SULF2: variants seen among roughly 807,000 people sequenced by gnomAD.
SULF2 encodes extracellular sulfatase Sulf-2.
SULF2 carries 52 observed loss-of-function variants against 107.7 expected under a neutral mutation model. The ratio of observed to expected loss-of-function variants is 0.48; its 90% CI spans 0.39 to 0.61. The LOEUF (loss-of-function observed/expected upper bound fraction) is 0.61, where lower values mean the gene tolerates loss of function less well. Ranked by LOEUF, SULF2 falls within the 20% of genes least tolerant of loss-of-function variation. The pLI is 0.00. For missense variants in SULF2, 993 were observed against 1,177.3 expected (o/e 0.84, Z 2.29); for synonymous variants, 460 against 464.3 (o/e 0.99, Z 0.12).
At chr20:47,676,956 T>C (rs942810660) in intron 9 of SULF2, 122 bp downstream of exon 9, 16 of 1,110,006 alleles carry the variant, frequency 1.4e-5, no homozygotes, top group Non-Finnish European at 7.9e-6. Context: ...TTTAGGGGCC[T>C]TTGGACCAAC....
In SULF2 at chr20:47,666,040, G is replaced by C; in HGVS notation, c.1806-87C>G. 6.3e-7 allele frequency: 1 copy of C among 1,584,328 alleles called. No individual in the cohort carries two copies. Among genetic ancestry groups the C allele is most frequent in the Non-Finnish European group, 8.7e-7 (1 of 1,154,104 alleles). On this transcript the variant is annotated intron_variant, in intron 12 of 20. Coordinates refer to ENST00000688720, the MANE Select transcript of SULF2 (RefSeq NM_001387048.1). This position sits in a 1 kb window ranked among gnomAD's most constrained non-coding sequence, Gnocchi z 5.4. Reference sequence around the variant, plus strand: ...CCAAGAGGTGTGGGAAGCCCTTGCCGAGGTCTGTCCTGTCCCCTTCACCCT... The same window carrying C: ...CCAAGAGGTGTGGGAAGCCCTTGCCCAGGTCTGTCCTGTCCCCTTCACCCT...
intron 3 of SULF2, among the ~76,000 whole-genome samples, chr20:47,728,882 G>A (rs2089519960): frequency 6.6e-6 from 1 of 152,198 alleles, no homozygotes; most frequent in South Asian, 2.1e-4. Flanking sequence ...CTGACCTCAA[G>A]TGATCCACCC....
chr20:47,660,878 C>A (rs1007244587), intron 18 of SULF2, among the ~76,000 whole-genome samples: 2 of 152,130 alleles, frequency 1.3e-5, no homozygotes, highest in African/African-American at 4.8e-5. Flanking sequence ...GACTCCTAAT[C>A]CCGCACCTCC....
At chr20:47,777,677 A>G (rs2090749115) in intron 1 of SULF2, among the ~76,000 whole-genome samples, 1 of 152,326 alleles carries the variant, frequency 6.6e-6, no homozygotes, top group African/African-American at 2.4e-5. Context: ...GCTACTAAGA[A>G]TTATAGTAGG....
intron 3 of SULF2, among the ~76,000 whole-genome samples, chr20:47,723,186 G>A (rs1204001686): frequency 1.3e-5 from 2 of 151,968 alleles, no homozygotes; most frequent in Non-Finnish European, 2.9e-5. Context: ...GGAGGTTGCA[G>A]TGAGTCAAGA....
intron 3 of SULF2, among the ~76,000 whole-genome samples, chr20:47,721,814 C>A (rs1464655758): frequency 6.6e-6 from 1 of 152,220 alleles, no homozygotes; most frequent in Non-Finnish European, 1.5e-5. Context: ...TCTGATGAGG[C>A]TCTTTCTAGC....
At chr20:47,715,033 C>G (rs913968425) in intron 3 of SULF2, among the ~76,000 whole-genome samples, 1 of 152,132 alleles carries the variant, frequency 6.6e-6, no homozygotes, top group Non-Finnish European at 1.5e-5. Flanking sequence ...ATCCTCCCAC[C>G]TCAGCCTTCC....
chr20:47,727,128 T>G (rs2089466111), intron 3 of SULF2, among the ~76,000 whole-genome samples: 1 of 152,086 alleles, frequency 6.6e-6, no homozygotes, highest in South Asian at 2.1e-4. Context: ...CCAAAATATA[T>G]GCTCAAGTCC....
chr20:47,737,064 C>T, intron 2 of SULF2, 122 bp from the exon 3 acceptor site: 1 of 1,420,926 alleles, frequency 7.0e-7, no homozygotes, highest in Non-Finnish European at 9.6e-7. Context: ...ACCTACGGGG[C>T]AGACGGGGCA....
At chr20:47,718,314 CT>C (rs1296616894) in intron 3 of SULF2, among the ~76,000 whole-genome samples, 1 of 152,116 alleles carries the variant, frequency 6.6e-6, no homozygotes, top group African/African-American at 2.4e-5. Context: ...TTAACTGCCT[CT>C]AAATGGTTAC....
chr20:47,731,455 AGTGCTGGGATCACAGGCTTCAGTCACC>A (rs1231447570), intron 3 of SULF2, among the ~76,000 whole-genome samples: 2 of 151,944 alleles, frequency 1.3e-5, no homozygotes, highest in African/African-American at 4.8e-5. Flanking sequence ...TGCCTCCCAA[AGTGCTGGGATCACAGGCTTCAGTCACC>A]GTGCCTGGCC....
rs555520520 is a variant in SULF2, at chr20:47,760,876, C to T, written c.-100-3413G>A. ...TGCAGAAACATACACCTCATGACAG[C>T]CAGAGCCACTGCGGCAACTGCCTGC... On this transcript the variant is annotated intron_variant, in intron 1 of 20. Transcript: ENST00000688720. 9.2e-5 allele frequency among the ~76,000 whole-genome samples: 14 copies of T among 152,336 alleles called. No individual in the cohort carries two copies. In the East Asian group the frequency reaches 2.7e-3, roughly 29 times the overall value.
intron 4 of SULF2, among the ~76,000 whole-genome samples, chr20:47,696,516 C>T (rs1350208444): frequency 6.6e-6 from 1 of 152,116 alleles, no homozygotes; most frequent in African/African-American, 2.4e-5. Context: ...TTATTAATCA[C>T]ATCATACTGT....
intron 11 of SULF2, among the ~76,000 whole-genome samples, chr20:47,668,499 A>G (rs2087350821): frequency 6.6e-6 from 1 of 152,158 alleles, no homozygotes; most frequent in African/African-American, 2.4e-5. Context: ...CCACACCAAC[A>G]GGGAATGGGA....
chr20:47,740,924 C>G (rs889746473), intron 2 of SULF2, among the ~76,000 whole-genome samples: 2 of 152,104 alleles, frequency 1.3e-5, no homozygotes, highest in Admixed American at 1.3e-4. Context: ...CCCTTTCCTC[C>G]GGGTACTTGG....
At chr20:47,755,878 C>T (rs2090269507) in intron 2 of SULF2, among the ~76,000 whole-genome samples, 1 of 151,894 alleles carries the variant, frequency 6.6e-6, no homozygotes, top group African/African-American at 2.4e-5. Context: ...CTCTCTCCAT[C>T]ACGGCCCCAG....
At chr20:47,760,109 C>G (rs143469306) in intron 1 of SULF2, among the ~76,000 whole-genome samples, 4,717 of 152,280 alleles carry the variant, frequency 0.031, 237 homozygotes, top group African/African-American at 0.1. Context: ...TCACTGATGC[C>G]TTGCCCCAGC....
At chr20:47,662,246 T>C (rs981334558) in intron 17 of SULF2, among the ~76,000 whole-genome samples, 1 of 152,172 alleles carries the variant, frequency 6.6e-6, no homozygotes, top group Non-Finnish European at 1.5e-5. Context: ...TCAGGGGCCC[T>C]CAGCTCCTCC....
chr20:47,780,955 A>G (rs1013743734), intron 1 of SULF2, among the ~76,000 whole-genome samples: 2 of 152,226 alleles, frequency 1.3e-5, no homozygotes, highest in East Asian at 1.9e-4. Flanking sequence ...GCTGATATAG[A>G]ATATACACAT....
Sources: gnomAD v4.1 joint callset for allele counts (sites outside exome capture counted in the v4.1 genomes callset) on GRCh38, gnomAD v4.1.1 for gene constraint, Gnocchi (gnomAD v3.1) non-coding constraint, MANE v1.5 for transcripts, NCBI Gene and HGNC (gene_info 2026-07-23, HGNC 2026-07-21) for gene names.